Variants in RXFP1 observed in about 807,000 individuals in gnomAD.
RXFP1 encodes the protein relaxin receptor 1.
Under a neutral mutation model 89.8 loss-of-function variants are expected in RXFP1, and 73 were observed. The observed-to-expected ratio is 0.81, with a 90% CI of 0.67 to 0.99. The LOEUF is 0.99. Among genes scored for constraint, RXFP1 ranks in the 50% least tolerant of loss-of-function variants. The probability of loss-of-function intolerance (pLI) is 0.00; values close to 1 mark genes in which losing one functional copy is unlikely to be tolerated. For synonymous variants in RXFP1, 277 were observed against 305.5 expected (o/e 0.91, Z 0.97); for missense variants, 793 against 895.5 (o/e 0.89, Z 1.46).
intron 1 of RXFP1, among the ~76,000 whole-genome samples, chr4:158,527,564 A>AAAATATATATATATACATAT (rs5741905): frequency 1.0e-5 from 1 of 98,338 alleles, no homozygotes; most frequent in African/African-American, 3.5e-5. Context: ...AAAAAAAAAA[A>AAAATATATATATATACATAT]ATATATATAT....
intron 2 of RXFP1, among the ~76,000 whole-genome samples, chr4:158,588,098 G>A (rs770386924): frequency 5.3e-5 from 8 of 152,058 alleles, no homozygotes; most frequent in Non-Finnish European, 7.4e-5. Context: ...TGGTGATTCC[G>A]GAGCCCAGTA....
chr4:158,572,786 C>G lies in RXFP1; in HGVS notation c.138C>G (p.His46Gln). The change falls in exon 2 of 18, where the codon CAC (histidine) becomes CAG (glutamine). Residue 46 changes from histidine (H) to glutamine (Q), a missense_variant. His to Gln is a conservative substitution (Grantham distance 24). Transcript: ENST00000307765. Reference sequence around the variant, plus strand: ...CAAAGTGCTTGCCTCAGCTCCTGCACTGTAACGGTGTGGACGACTGCGGGA... The same window carrying G: ...CAAAGTGCTTGCCTCAGCTCCTGCAGTGTAACGGTGTGGACGACTGCGGGA... ...NITKCLPQLL[H>Q]CNGVDDCGNQ... The G allele has an allele frequency of 6.2e-7, 1 of 1,614,218 alleles. No homozygotes were observed. Among genetic ancestry groups the G allele is most frequent in the Non-Finnish European group, 8.5e-7 (1 of 1,180,048 alleles).
At chr4:158,574,473 G>A (rs1023759605) in intron 2 of RXFP1, among the ~76,000 whole-genome samples, 7 of 152,224 alleles carry the variant, frequency 4.6e-5, no homozygotes, top group South Asian at 2.1e-4. Flanking sequence ...GTTGTTTCTT[G>A]TAAATGCCTC....
chr4:158,638,834 C>T (rs1379617718), intron 13 of RXFP1, among the ~76,000 whole-genome samples: 1 of 147,132 alleles, frequency 6.8e-6, no homozygotes, highest in Non-Finnish European at 1.5e-5. Context: ...AAAAGGTAAG[C>T]TTCAGTTCAT....
At chr4:158,631,605 C>T (rs536742884) in intron 11 of RXFP1, among the ~76,000 whole-genome samples, 1 of 152,210 alleles carries the variant, frequency 6.6e-6, no homozygotes, top group South Asian at 2.1e-4. Context: ...CCTCCCTGGG[C>T]TCAGAGGTTA....
intron 12 of RXFP1, among the ~76,000 whole-genome samples, chr4:158,633,781 G>A (rs1186175599): frequency 6.6e-6 from 1 of 152,124 alleles, no homozygotes; most frequent in Non-Finnish European, 1.5e-5. Context: ...TAAAATCATG[G>A]AATATTTATC....
intron 1 of RXFP1, among the ~76,000 whole-genome samples, chr4:158,531,204 T>TA (rs1169374964): frequency 1.2e-3 from 184 of 151,862 alleles, no homozygotes; most frequent in African/African-American, 4.2e-3. Flanking sequence ...CCTACCTATT[T>TA]AAAAAAAAAT....
intron 15 of RXFP1, chr4:158,646,315 A>C (rs1431879999): frequency 2.1e-6 from 1 of 465,398 alleles, no homozygotes; most frequent in African/African-American, 2.0e-5. Context: ...TTCAGAATTC[A>C]GTCATTATTC....
chr4:158,603,606 A>G (rs1762067818), intron 4 of RXFP1, among the ~76,000 whole-genome samples: 1 of 151,704 alleles, frequency 6.6e-6, no homozygotes. Context: ...TACTACAGAT[A>G]TACGGACAGG....
intron 12 of RXFP1, among the ~76,000 whole-genome samples, chr4:158,635,283 A>G (rs954312307): frequency 1.3e-5 from 2 of 152,098 alleles, no homozygotes; most frequent in African/African-American, 4.8e-5. Flanking sequence ...TTTTGATGCT[A>G]TTGTAAATGG....
intron 1 of RXFP1, among the ~76,000 whole-genome samples, chr4:158,562,804 C>T (rs189794570): frequency 6.6e-6 from 1 of 152,122 alleles, no homozygotes; most frequent in Non-Finnish European, 1.5e-5. Flanking sequence ...TTTCTTTGCC[C>T]TTATGCTCAA....
chr4:158,596,564 T>A (rs890139908), intron 3 of RXFP1, among the ~76,000 whole-genome samples: 3 of 152,200 alleles, frequency 2.0e-5, no homozygotes, highest in Non-Finnish European at 4.4e-5. Context: ...CTGGTCTATT[T>A]CTTAAATTTT....
chr4:158,531,022 C>T (rs1287216308), intron 1 of RXFP1, among the ~76,000 whole-genome samples: 3 of 152,168 alleles, frequency 2.0e-5, no homozygotes, highest in Non-Finnish European at 4.4e-5. Flanking sequence ...CTCTTCTGTT[C>T]TTCAATCCCC....
intron 8 of RXFP1, among the ~76,000 whole-genome samples, chr4:158,614,027 G>A (rs527460229): frequency 3.5e-4 from 53 of 151,070 alleles, no homozygotes; most frequent in African/African-American, 1.3e-3. Context: ...GGGTGACCAG[G>A]TGCATTGCCA....
chr4:158,561,709 C>T (rs1212438322), intron 1 of RXFP1, among the ~76,000 whole-genome samples: 1 of 145,376 alleles, frequency 6.9e-6, no homozygotes, highest in African/African-American at 2.6e-5. Context: ...CTGACTGCAA[C>T]CTCCACCTCC....
chr4:158,577,204 A>C (rs1756431290), intron 2 of RXFP1, among the ~76,000 whole-genome samples: 1 of 151,922 alleles, frequency 6.6e-6, no homozygotes, highest in South Asian at 2.1e-4. Context: ...TGCTCAGCTA[A>C]TTTTTTGCAT....
At chr4:158,595,836 A>G (rs995496842) in intron 3 of RXFP1, among the ~76,000 whole-genome samples, 1 of 152,182 alleles carries the variant, frequency 6.6e-6, no homozygotes, top group African/African-American at 2.4e-5. Flanking sequence ...GGGAGACCAA[A>G]TAATTTGTCC....
chr4:158,623,888 C>T (rs1766174437), intron 9 of RXFP1, among the ~76,000 whole-genome samples: 1 of 152,102 alleles, frequency 6.6e-6, no homozygotes, highest in Admixed American at 6.5e-5. Context: ...ACCATGAAGA[C>T]AAGGGCATGT....
At position 158,541,002 on chromosome 4, in the gene RXFP1, G is replaced by C. The variant is rs1313424120; in HGVS notation, c.49+18977G>C. The stretch of plus-strand genomic sequence containing the variant: ...TCATTAACAATATAATAGCCACCAT[G>C]GCAATCCTAAAAAAAAGAAGCAGTG... On this transcript the variant is annotated intron_variant, in intron 1 of 17. Coordinates refer to ENST00000307765, the MANE Select transcript of RXFP1 (RefSeq NM_021634.4). Among the ~76,000 whole-genome samples the C allele has an allele frequency of 2.6e-5, 4 of 152,100 alleles. No homozygotes were observed. The South Asian group carries it at 6.2e-4, about 24-fold the overall frequency.
Sources: gnomAD v4.1 joint callset for allele counts (sites outside exome capture counted in the v4.1 genomes callset) on GRCh38, gnomAD v4.1.1 for gene constraint, MANE v1.5 for transcripts, NCBI Gene and HGNC (gene_info 2026-07-23, HGNC 2026-07-21) for gene names.